HFM1: variants seen among roughly 807,000 people sequenced by gnomAD.
HFM1 encodes helicase for meiosis 1, also known as probable ATP-dependent DNA helicase HFM1.
Under a neutral mutation model 192.1 loss-of-function variants are expected in HFM1, and 169 were observed. The ratio of observed to expected loss-of-function variants is 0.88; its 90% CI spans 0.78 to 1.00. The LOEUF is 1.00. Ranked by LOEUF, HFM1 falls within the 50% of genes least tolerant of loss-of-function variation. HFM1 has a pLI of 0.00. For missense variants in HFM1, 1,661 were observed against 1,668.0 expected (o/e 1.00, Z 0.07); for synonymous variants, 525 against 537.8 (o/e 0.98, Z 0.33).
chr1:91,399,439 TA>T (rs1664048760), intron 2 of HFM1, among the ~76,000 whole-genome samples: 1 of 152,206 alleles, frequency 6.6e-6, no homozygotes. Context: ...TTTCAATAAA[TA>T]ATTGTTGATT....
intron 13 of HFM1, among the ~76,000 whole-genome samples, chr1:91,365,683 T>C (rs1659200784): frequency 6.6e-6 from 1 of 152,066 alleles, no homozygotes; most frequent in Admixed American, 6.6e-5. Context: ...ATTTTTATGA[T>C]AACACTCATG....
chr1:91,388,998 T>C (rs1256277285), intron 4 of HFM1, among the ~76,000 whole-genome samples: 1 of 152,086 alleles, frequency 6.6e-6, no homozygotes, highest in East Asian at 1.9e-4. Flanking sequence ...AAGACATTAC[T>C]CCAAAGAAGA....
intron 20 of HFM1, among the ~76,000 whole-genome samples, chr1:91,334,493 A>G (rs961870198): frequency 1.3e-5 from 2 of 152,206 alleles, no homozygotes; most frequent in African/African-American, 4.8e-5. Context: ...ATAACAGGTG[A>G]CCACTTAAAA....
At chr1:91,286,422 T>C (rs1388945297) in intron 30 of HFM1, among the ~76,000 whole-genome samples, 1 of 152,204 alleles carries the variant, frequency 6.6e-6, no homozygotes, top group African/African-American at 2.4e-5. Flanking sequence ...GCTCTAGACA[T>C]TTCTTGGCTT....
At chr1:91,334,930 CAAA>C (rs1036387638) in intron 20 of HFM1, among the ~76,000 whole-genome samples, 3 of 102,308 alleles carry the variant, frequency 2.9e-5, no homozygotes, top group Admixed American at 1.1e-4. Flanking sequence ...CTCTCTGTCT[CAAA>C]AAAAAAAAAA....
At position 91,315,956 on chromosome 1, in the gene HFM1, T is replaced by C. The variant is rs143279701; in HGVS notation, c.2999A>G (p.Asp1000Gly). 120 of 1,589,110 alleles carry C rather than the reference T, an allele frequency of 7.6e-5. 1 individual carries two copies. Among genetic ancestry groups the C allele is most frequent in the Non-Finnish European group, 1.0e-4 (117 of 1,158,868 alleles). The change falls in exon 28 of 39, where the codon GAT (aspartate) becomes GGT (glycine). Residue 1000 changes from aspartate to glycine, a missense_variant. Transcript: ENST00000370425. ...AGTCACTAATATTTCTGCCGTCGTA[T>C]CACTATATCTTGTAATCTTTAAAAA... is the stretch of plus-strand genomic sequence containing the variant. ...LKVEQITRYS[D>G]TTAEILVTVI...
chr1:91,400,480 C>CTTTTT (rs112090967), intron 2 of HFM1, among the ~76,000 whole-genome samples: 11 of 139,062 alleles, frequency 7.9e-5, no homozygotes, highest in Non-Finnish European at 7.9e-5. Flanking sequence ...AGGCAAGAAT[C>CTTTTT]TTTTTTTTTT....
chr1:91,404,659 G>T, intron 1 of HFM1, 139 bp downstream of exon 1: 1 of 279,602 alleles, frequency 3.6e-6, no homozygotes, highest in Non-Finnish European at 7.1e-6. Context: ...ACAACTCGCC[G>T]CGCCCGTCCG....
chr1:91,317,173 AG>A (rs1651367071), intron 25 of HFM1, among the ~76,000 whole-genome samples: 1 of 151,974 alleles, frequency 6.6e-6, no homozygotes, highest in Non-Finnish European at 1.5e-5. Flanking sequence ...CCAGCACTTT[AG>A]GAGGCCAAGG....
At chr1:91,279,992 G>A (rs568958946) in intron 30 of HFM1, among the ~76,000 whole-genome samples, 3 of 54,230 alleles carry the variant, frequency 5.5e-5, no homozygotes, top group South Asian at 9.2e-4. Flanking sequence ...TCACAGAGAC[G>A]TAAAAATAAA....
At chr1:91,324,283 A>T (rs1359322986) in intron 21 of HFM1, among the ~76,000 whole-genome samples, 1 of 152,204 alleles carries the variant, frequency 6.6e-6, no homozygotes, top group East Asian at 1.9e-4. Context: ...CACATGCTGC[A>T]TGCAACTCAC....
At chr1:91,300,400 T>C (rs1237060512) in intron 30 of HFM1, among the ~76,000 whole-genome samples, 2 of 152,044 alleles carry the variant, frequency 1.3e-5, no homozygotes, top group African/African-American at 2.4e-5. Flanking sequence ...TTCCAATCAA[T>C]AGAAAAAGAG....
At chr1:91,399,427 A>T (rs1248280011) in intron 2 of HFM1, among the ~76,000 whole-genome samples, 1 of 152,194 alleles carries the variant, frequency 6.6e-6, no homozygotes, top group Non-Finnish European at 1.5e-5. Context: ...TCCTTTACAT[A>T]ATTTCAATAA....
chr1:91,406,403 C>T (rs1358599501), upstream of HFM1, among the ~76,000 whole-genome samples: 2 of 152,186 alleles, frequency 1.3e-5, no homozygotes, highest in East Asian at 3.8e-4. Flanking sequence ...TGTTCATAAA[C>T]AAAAACATTC....
At chr1:91,328,189 G>A (rs1653206346) in intron 20 of HFM1, among the ~76,000 whole-genome samples, 1 of 152,154 alleles carries the variant, frequency 6.6e-6, no homozygotes, top group African/African-American at 2.4e-5. Flanking sequence ...TTGGTTTCTA[G>A]AAAAGGTTAA....
At chr1:91,347,627 C>G in intron 18 of HFM1, 151 bp from the exon 19 acceptor site, 1 of 433,652 alleles carries the variant, frequency 2.3e-6, no homozygotes, top group East Asian at 3.5e-5. Flanking sequence ...TAAATATCCA[C>G]AGAAACAATG....
chr1:91,362,874 A>C (rs1431932017), intron 13 of HFM1, among the ~76,000 whole-genome samples: 2 of 152,166 alleles, frequency 1.3e-5, no homozygotes, highest in Non-Finnish European at 2.9e-5. Context: ...ATAAGACGAC[A>C]CACCTACAAA....
intron 7 of HFM1, 52 bp downstream of exon 7, chr1:91,380,860 A>C: frequency 2.3e-6 from 2 of 863,770 alleles, no homozygotes; most frequent in Non-Finnish European, 3.9e-6. Flanking sequence ...CAATCTAGTG[A>C]TCATAACCTA....
At chr1:91,281,361 T>A (rs35081855) in intron 30 of HFM1, among the ~76,000 whole-genome samples, 30,860 of 152,006 alleles carry the variant, frequency 0.2, 3,891 homozygotes, top group South Asian at 0.36. Flanking sequence ...GTTCACTCAA[T>A]AGTTGAAGGG....
Sources: gnomAD v4.1 joint callset for allele counts (sites outside exome capture counted in the v4.1 genomes callset) on GRCh38, gnomAD v4.1.1 for gene constraint, MANE v1.5 for transcripts, NCBI Gene and HGNC (gene_info 2026-07-23, HGNC 2026-07-21) for gene names.